UNC13C: variants seen among roughly 807,000 people sequenced by gnomAD.
UNC13C encodes unc-13 homolog C, also known as protein unc-13 homolog C.
A neutral mutation model predicts 245.4 loss-of-function variants in UNC13C; 174 were observed. The observed-to-expected ratio is 0.71, with a 90% CI of 0.63 to 0.80. The LOEUF is 0.80. Ranked by LOEUF, UNC13C falls within the 30% of genes least tolerant of loss-of-function variation. The pLI, the probability that UNC13C is intolerant of heterozygous loss-of-function variation, is 0.00. For missense variants in UNC13C, 2,829 were observed against 2,602.9 expected (o/e 1.09, Z -1.89); for synonymous variants, 992 against 895.1 (o/e 1.11, Z -1.93).
At chr15:53,942,773 G>A in the UNC13C span, among the ~76,000 whole-genome samples, 5 of 152,118 alleles carry the variant, frequency 3.3e-5, no homozygotes, top group East Asian at 9.7e-4. Flanking sequence ...AGCAACTCTC[G>A]TGCCTCAGTC....
intron 10 of UNC13C, among the ~76,000 whole-genome samples, chr15:54,276,688 G>A (rs74013601): frequency 0.018 from 2,715 of 152,112 alleles, 87 homozygotes; most frequent in African/African-American, 0.064. Context: ...GTTACTCATT[G>A]AGTTCTATAT....
chr15:53,957,539 C>T, the UNC13C span, among the ~76,000 whole-genome samples: 1 of 152,128 alleles, frequency 6.6e-6, no homozygotes, highest in Non-Finnish European at 1.5e-5. Flanking sequence ...CTCACAACAT[C>T]GTGAATGTAC....
Position 54,622,317 on chromosome 15 carries a change from T to C in UNC13C, c.6107-10T>C. The C allele has an allele frequency of 6.2e-7, 1 of 1,608,388 alleles. No homozygotes were observed. The highest frequency in any genetic ancestry group is 8.5e-7 in the Non-Finnish European group (1 of 1,175,024). ...AAAGCTCAGGCCAGTAAGCCTCTGC[T>C]TATTTTCAGGTCGTTCCTCCAAAGA... On this transcript the variant is annotated splice_polypyrimidine_tract_variant and intron_variant, in intron 30 of 32. Transcript: ENST00000260323.
chr15:53,900,173 A>T, the UNC13C span, among the ~76,000 whole-genome samples: 309 of 150,794 alleles, frequency 2.0e-3, 3 homozygotes, highest in African/African-American at 7.2e-3. Flanking sequence ...CTAGAATGAT[A>T]CCCTATGGAT....
At chr15:53,884,627 A>G in the UNC13C span, among the ~76,000 whole-genome samples, 1 of 152,062 alleles carries the variant, frequency 6.6e-6, no homozygotes, top group Non-Finnish European at 1.5e-5. Flanking sequence ...GAGTCATCGC[A>G]CCTGGCCAAC....
At chr15:54,277,066 T>C (rs550807463) in intron 10 of UNC13C, among the ~76,000 whole-genome samples, 7 of 152,274 alleles carry the variant, frequency 4.6e-5, no homozygotes, top group Non-Finnish European at 7.4e-5. Flanking sequence ...TTGTTTTCAA[T>C]GACATTTTCT....
Position 54,013,265 on chromosome 15 carries a change from C to T in UNC13C, c.362C>T (p.Ser121Phe). Reference sequence around the variant, plus strand: ...AATGAGGATCTGCTTCAAGAGCTCTCTTCAATCGAGAGTTCCTACTCAGAA... The same window carrying T: ...AATGAGGATCTGCTTCAAGAGCTCTTTTCAATCGAGAGTTCCTACTCAGAA... Reference protein sequence around the residue: ...SDNEDLLQELSSIESSYSESL... With the variant: ...SDNEDLLQELFSIESSYSESL... The change falls in exon 2 of 33, where the codon TCT (serine) becomes TTT (phenylalanine). Residue 121 changes from serine (S) to phenylalanine (F), a missense_variant. Ser to Phe is a radical substitution (Grantham distance 155). Transcript: ENST00000260323. The T allele has an allele frequency of 1.2e-6, 2 of 1,613,698 alleles. No homozygotes were observed. Among genetic ancestry groups the T allele is most frequent in the South Asian group, 2.2e-5 (2 of 91,064 alleles).
chr15:54,260,466 A>G (rs922884333), intron 8 of UNC13C, among the ~76,000 whole-genome samples: 1 of 151,670 alleles, frequency 6.6e-6, no homozygotes, highest in Non-Finnish European at 1.5e-5. Flanking sequence ...AAAATAGCAA[A>G]AGGAAAGAAC....
chr15:54,549,587 C>T (rs1395754344), intron 27 of UNC13C, 48 bp from the exon 28 acceptor site: 2 of 1,373,808 alleles, frequency 1.5e-6, no homozygotes, highest in Non-Finnish European at 2.0e-6. Flanking sequence ...GTGACTAATA[C>T]TGAATATCTT....
chr15:54,206,081 A>C (rs2140734424), intron 4 of UNC13C, among the ~76,000 whole-genome samples: 1 of 152,178 alleles, frequency 6.6e-6, no homozygotes, highest in African/African-American at 2.4e-5. Flanking sequence ...TTAATGCATA[A>C]GAGATTGTGG....
chr15:54,559,398 A>T (rs1897211984), intron 29 of UNC13C, among the ~76,000 whole-genome samples: 1 of 151,984 alleles, frequency 6.6e-6, no homozygotes, highest in East Asian at 1.9e-4. Context: ...TTTTCTCAGC[A>T]TCTTCTTTTC....
chr15:53,896,863 C>A, the UNC13C span, among the ~76,000 whole-genome samples: 5 of 152,138 alleles, frequency 3.3e-5, no homozygotes, highest in African/African-American at 1.2e-4. Context: ...ATCAGAGACA[C>A]CCGGGACACT....
intron 2 of UNC13C, among the ~76,000 whole-genome samples, chr15:54,124,109 AT>A (rs1450430160): frequency 7.9e-5 from 12 of 152,180 alleles, no homozygotes; most frequent in African/African-American, 2.7e-4. Flanking sequence ...GTTAATGAAA[AT>A]TTTGGATATT....
intron 2 of UNC13C, among the ~76,000 whole-genome samples, chr15:54,071,140 A>T (rs753060091): frequency 8.5e-5 from 13 of 152,190 alleles, no homozygotes; most frequent in Non-Finnish European, 1.6e-4. Flanking sequence ...AGAAATATAG[A>T]CTAGGCATAG....
At chr15:53,893,902 GA>G in the UNC13C span, among the ~76,000 whole-genome samples, 7 of 152,138 alleles carry the variant, frequency 4.6e-5, no homozygotes, top group Admixed American at 3.3e-4. Context: ...CTGGGGTTTG[GA>G]AAAAAAACTT....
chr15:54,272,511 A>G (rs1319545368), intron 10 of UNC13C, among the ~76,000 whole-genome samples: 1 of 152,184 alleles, frequency 6.6e-6, no homozygotes, highest in Non-Finnish European at 1.5e-5. Flanking sequence ...GAGCCATTTT[A>G]CAGTGATGGT....
At chr15:54,115,533 G>T (rs1272810665) in intron 2 of UNC13C, among the ~76,000 whole-genome samples, 1 of 151,914 alleles carries the variant, frequency 6.6e-6, no homozygotes, top group African/African-American at 2.4e-5. Flanking sequence ...TACATATTTT[G>T]GGGGTACATG....
At chr15:53,903,868 T>C in the UNC13C span, among the ~76,000 whole-genome samples, 8 of 152,062 alleles carry the variant, frequency 5.3e-5, no homozygotes, top group African/African-American at 1.7e-4. Flanking sequence ...TGTGGAATAG[T>C]GAATATAAAG....
At chr15:54,592,607 A>G (rs1898854969) in intron 30 of UNC13C, among the ~76,000 whole-genome samples, 1 of 152,144 alleles carries the variant, frequency 6.6e-6, no homozygotes. Context: ...CGGATATAAG[A>G]ATAGCTACCC....
Sources: allele counts gnomAD v4.1 joint callset (sites outside exome capture counted in the v4.1 genomes callset), GRCh38; gene constraint gnomAD v4.1.1; transcripts MANE v1.5; gene names NCBI Gene and HGNC (gene_info 2026-07-23, HGNC 2026-07-21).